Variants in SLC9A9 observed in about 807,000 individuals in gnomAD.
SLC9A9 encodes sodium/hydrogen exchanger 9.
A neutral mutation model predicts 77.8 loss-of-function variants in SLC9A9; 62 were observed. That is an observed-to-expected ratio of 0.80 (90% confidence interval 0.65 to 0.98). SLC9A9 has a LOEUF of 0.98. Ranked by LOEUF, SLC9A9 falls within the 50% of genes least tolerant of loss-of-function variation. The pLI, the probability that SLC9A9 is intolerant of heterozygous loss-of-function variation, is 0.00. For missense variants in SLC9A9, 775 were observed against 774.9 expected (o/e 1.00, Z 0.00); for synonymous variants, 320 against 283.5 (o/e 1.13, Z -1.29).
intron 5 of SLC9A9, among the ~76,000 whole-genome samples, chr3:143,657,758 TA>T (rs1207368435): frequency 6.6e-6 from 1 of 152,238 alleles, no homozygotes; most frequent in Non-Finnish European, 1.5e-5. Flanking sequence ...TTGGTAAAAA[TA>T]TGTTATTTAT....
chr3:143,557,818 G>A (rs2037013267), intron 8 of SLC9A9, among the ~76,000 whole-genome samples: 1 of 152,066 alleles, frequency 6.6e-6, no homozygotes, highest in Admixed American at 6.6e-5. Flanking sequence ...ACTCAAAACA[G>A]AAAACATTGG....
intron 14 of SLC9A9, among the ~76,000 whole-genome samples, chr3:143,347,880 G>T (rs2032336983): frequency 6.6e-6 from 1 of 152,102 alleles, no homozygotes; most frequent in African/African-American, 2.4e-5. Context: ...TATTTGTAAG[G>T]TGACAATCAA....
chr3:143,664,291 G>A (rs1352676203), intron 5 of SLC9A9, among the ~76,000 whole-genome samples: 2 of 152,172 alleles, frequency 1.3e-5, no homozygotes, highest in African/African-American at 4.8e-5. Flanking sequence ...GAGAGGTTTT[G>A]TCACCACCAA....
At chr3:143,397,403 AG>A (rs2033754137) in intron 12 of SLC9A9, among the ~76,000 whole-genome samples, 1 of 152,216 alleles carries the variant, frequency 6.6e-6, no homozygotes, top group African/African-American at 2.4e-5. Context: ...ATGGGAAAAA[AG>A]AGGGACATTT....
chr3:143,648,693 G>C (rs2038745563), intron 6 of SLC9A9, among the ~76,000 whole-genome samples: 1 of 152,162 alleles, frequency 6.6e-6, no homozygotes, highest in South Asian at 2.1e-4. Context: ...TTCCAATGAA[G>C]CTGATTATAT....
rs142422160 is a variant in SLC9A9, at chr3:143,338,474, C to T, written c.1604+25010G>A. On this transcript the variant is annotated intron_variant, in intron 14 of 15. Coordinates refer to ENST00000316549, the MANE Select transcript of SLC9A9 (RefSeq NM_173653.4). ...GGGAGAAAAGCAGTAAGCGAGAGAG[C>T]TAGACAGCTCGGTTTAATCATTTAT... Among the ~76,000 whole-genome samples, 11 of 152,316 alleles carry T rather than the reference C, an allele frequency of 7.2e-5. No homozygotes were observed. The East Asian group carries it at 2.1e-3, about 29-fold the overall frequency.
At chr3:143,439,976 A>T (rs1476072343) in intron 12 of SLC9A9, among the ~76,000 whole-genome samples, 1 of 152,226 alleles carries the variant, frequency 6.6e-6, no homozygotes, top group Admixed American at 6.5e-5. Flanking sequence ...CCTGGGGCTG[A>T]ATTCAGCCTG....
intron 6 of SLC9A9, among the ~76,000 whole-genome samples, chr3:143,593,124 G>A (rs990000853): frequency 6.6e-6 from 1 of 152,174 alleles, no homozygotes; most frequent in South Asian, 2.1e-4. Context: ...CTAGAGAACT[G>A]TGCATACGGT....
chr3:143,402,528 A>T (rs546093162), intron 12 of SLC9A9, among the ~76,000 whole-genome samples: 11 of 131,122 alleles, frequency 8.4e-5, no homozygotes, highest in African/African-American at 2.9e-4. Context: ...TGCTTCATGT[A>T]TCCTGGGACC....
chr3:143,467,727 A>AAGAGAGAGAGAGAGAG (rs111531862), intron 11 of SLC9A9, among the ~76,000 whole-genome samples: 13,039 of 144,334 alleles, frequency 0.09, 801 homozygotes, highest in Non-Finnish European at 0.13. Context: ...CCTGGCTCTA[A>AAGAGAGAGAGAGAGAG]AGAGAGAGAG....
At chr3:143,845,906 A>G (rs553363107) in intron 1 of SLC9A9, among the ~76,000 whole-genome samples, 11 of 152,374 alleles carry the variant, frequency 7.2e-5, no homozygotes, top group African/African-American at 1.9e-4. Flanking sequence ...TAAAAAACTC[A>G]TGAAAGAAGA....
At chr3:143,768,353 C>T (rs1167002360) in intron 4 of SLC9A9, among the ~76,000 whole-genome samples, 2 of 152,178 alleles carry the variant, frequency 1.3e-5, no homozygotes, top group Non-Finnish European at 2.9e-5. Flanking sequence ...ATTTAATCTT[C>T]ACAACAACCT....
At chr3:143,364,787 G>T (rs938320299) in intron 13 of SLC9A9, among the ~76,000 whole-genome samples, 1 of 152,144 alleles carries the variant, frequency 6.6e-6, no homozygotes, top group Non-Finnish European at 1.5e-5. Flanking sequence ...GACTCACAAT[G>T]AAATTAAAAC....
chr3:143,544,355 T>C (rs2036746956), intron 9 of SLC9A9, among the ~76,000 whole-genome samples: 1 of 152,152 alleles, frequency 6.6e-6, no homozygotes, highest in Admixed American at 6.5e-5. Flanking sequence ...GCCTCCCAAG[T>C]AGCTGGGACT....
At chr3:143,569,840 G>T (rs1355298714) in intron 8 of SLC9A9, among the ~76,000 whole-genome samples, 2 of 148,270 alleles carry the variant, frequency 1.3e-5, no homozygotes, top group Admixed American at 6.7e-5. Flanking sequence ...TGGAGACAGG[G>T]TATCTCTTTG....
intron 4 of SLC9A9, among the ~76,000 whole-genome samples, chr3:143,733,599 T>C (rs752108352): frequency 6.6e-6 from 1 of 152,042 alleles, no homozygotes; most frequent in African/African-American, 2.4e-5. Flanking sequence ...CCCACACAGA[T>C]GAGCCTGAGG....
intron 2 of SLC9A9, among the ~76,000 whole-genome samples, chr3:143,816,154 G>A (rs901088524): frequency 6.6e-6 from 1 of 152,116 alleles, no homozygotes; most frequent in Non-Finnish European, 1.5e-5. Context: ...CTGTATTTAT[G>A]TATTTCATAT....
chr3:143,525,087 T>C (rs1473714940), intron 9 of SLC9A9, among the ~76,000 whole-genome samples: 1 of 152,190 alleles, frequency 6.6e-6, no homozygotes, highest in Non-Finnish European at 1.5e-5. Context: ...ACATATTGAA[T>C]GCTATATAGA....
intron 6 of SLC9A9, among the ~76,000 whole-genome samples, chr3:143,580,515 C>T (rs548565090): frequency 8.5e-5 from 13 of 152,170 alleles, no homozygotes; most frequent in East Asian, 3.9e-4. Context: ...TATTTATGTA[C>T]GTTTTTCTTT....
Sources: allele counts gnomAD v4.1 joint callset (sites outside exome capture counted in the v4.1 genomes callset), GRCh38; gene constraint gnomAD v4.1.1; transcripts MANE v1.5; gene names NCBI Gene and HGNC (gene_info 2026-07-23, HGNC 2026-07-21).